ERI3: variants seen among roughly 807,000 people sequenced by gnomAD.
The protein encoded by ERI3 is ERI1 exoribonuclease 3.
A neutral mutation model predicts 44.4 loss-of-function variants in ERI3; 18 were observed. The ratio of observed to expected loss-of-function variants is 0.41; its 90% CI spans 0.28 to 0.60. The LOEUF is 0.60. Ranked by LOEUF, ERI3 falls within the 20% of genes least tolerant of loss-of-function variation. ERI3 has a pLI of 0.36. For synonymous variants in ERI3, 183 were observed against 164.8 expected (o/e 1.11, Z -0.84); for missense variants, 294 against 435.5 (o/e 0.68, Z 2.89).
chr1:44,292,951 A>G (rs1397593983), intron 6 of ERI3, among the ~76,000 whole-genome samples: 1 of 152,214 alleles, frequency 6.6e-6, no homozygotes, highest in Non-Finnish European at 1.5e-5. Flanking sequence ...TCAGCTTTAA[A>G]TATCAGTGTG....
intron 3 of ERI3, among the ~76,000 whole-genome samples, chr1:44,336,306 T>C (rs1305643912): frequency 6.6e-6 from 1 of 152,170 alleles, no homozygotes; most frequent in Non-Finnish European, 1.5e-5. Flanking sequence ...AGGATCCTGC[T>C]ACCTGCAAAC....
At chr1:44,245,099 G>A (rs891198705) in intron 8 of ERI3, among the ~76,000 whole-genome samples, 9 of 152,180 alleles carry the variant, frequency 5.9e-5, no homozygotes, top group Non-Finnish European at 1.3e-4. Context: ...GACCCCCAGG[G>A]CTGGGAAGCA....
At chr1:44,349,968 AC>A (rs1274144221) in intron 2 of ERI3, among the ~76,000 whole-genome samples, 2 of 152,164 alleles carry the variant, frequency 1.3e-5, no homozygotes, top group African/African-American at 2.4e-5. Context: ...CAAATACAAT[AC>A]TTTATTTGGT....
At position 44,252,492 on chromosome 1, in the gene ERI3, T is replaced by G. The variant is rs1484358420; in HGVS notation, c.832-4454A>C. Reference sequence around the variant, plus strand: ...TTTGCCATTAGCGCCTTTAATATTCTGACACCTCAGCGCAGCCTGCTATTA... The same window carrying G: ...TTTGCCATTAGCGCCTTTAATATTCGGACACCTCAGCGCAGCCTGCTATTA... On this transcript the variant is annotated intron_variant, in intron 7 of 8. Transcript: ENST00000372257. This position sits in a 1 kb window ranked among gnomAD's most constrained non-coding sequence, Gnocchi z 4.7. 6.6e-6 allele frequency among the ~76,000 whole-genome samples: 1 copy of G among 152,234 alleles called. No homozygotes were observed. Among genetic ancestry groups the G allele is most frequent in the Admixed American group, 6.5e-5 (1 of 15,286 alleles).
chr1:44,296,776 C>G (rs1229614014), intron 6 of ERI3, among the ~76,000 whole-genome samples: 1 of 152,194 alleles, frequency 6.6e-6, no homozygotes, highest in African/African-American at 2.4e-5. Flanking sequence ...CAGAGGAAGC[C>G]AAACCAGCTA....
At chr1:44,268,968 CA>C (rs1206202567) in intron 7 of ERI3, among the ~76,000 whole-genome samples, 1 of 152,178 alleles carries the variant, frequency 6.6e-6, no homozygotes, top group African/African-American at 2.4e-5. Flanking sequence ...GACAGCTATC[CA>C]AACTCCTCCA....
chr1:44,270,684 G>A (rs926599414), intron 7 of ERI3, among the ~76,000 whole-genome samples: 2 of 152,318 alleles, frequency 1.3e-5, no homozygotes, highest in East Asian at 3.9e-4. Flanking sequence ...CAGCCAGCAA[G>A]AGAAGGCAGG....
At chr1:44,321,263 G>A (rs1289746666) in intron 3 of ERI3, among the ~76,000 whole-genome samples, 1 of 152,176 alleles carries the variant, frequency 6.6e-6, no homozygotes, top group Admixed American at 6.5e-5. Context: ...AAAGATTGTG[G>A]TTGCCTTGTC....
intron 5 of ERI3, among the ~76,000 whole-genome samples, chr1:44,310,043 T>A (rs161728): frequency 6.6e-6 from 1 of 152,176 alleles, no homozygotes; most frequent in African/African-American, 2.4e-5. Context: ...ATCTATAAAA[T>A]CTTACACAGA....
chr1:44,310,963 G>GCACGCGCGCGCGCA (rs1645954789), intron 5 of ERI3, among the ~76,000 whole-genome samples: 1 of 123,202 alleles, frequency 8.1e-6, no homozygotes, highest in African/African-American at 3.2e-5. Flanking sequence ...GCGCGCGCGC[G>GCACGCGCGCGCGCA]CACACACACA....
At position 44,354,955 on chromosome 1, in the gene ERI3, G is replaced by A. The variant is rs1205409878; in HGVS notation, c.72C>T (p.Pro24=). The change falls in exon 1 of 9, where the codon CCC becomes CCT. Residue 24 remains proline, a synonymous_variant. Coordinates refer to ENST00000372257, the MANE Select transcript of ERI3 (RefSeq NM_024066.3). The part of the protein sequence containing the change: ...RPWEGGLVSW[P]PAPPLTLPWT... ...AGGGGAGAGTAAGGGGAGGGGCGGG[G>A]GGCCAGGAGACCAGCCCTCCTTCCC... 2 of 1,342,508 alleles carry A rather than the reference G, an allele frequency of 1.5e-6. No homozygotes were observed. The highest frequency in any genetic ancestry group is 1.5e-5 in the African/African-American group (1 of 66,584). The allele number at this position is 1,342,508 out of a possible 1,614,324, so 83.2% of individuals were successfully genotyped here. A position where few individuals can be genotyped will look rare whatever the true frequency, so the allele number is the denominator to read the frequency against.
At chr1:44,314,810 A>T (rs1286825283) in intron 4 of ERI3, among the ~76,000 whole-genome samples, 1 of 152,252 alleles carries the variant, frequency 6.6e-6, no homozygotes, top group African/African-American at 2.4e-5. Flanking sequence ...CCGGCAGTGA[A>T]GAAAAATGTA....
chr1:44,255,234 T>C (rs1644757292), intron 7 of ERI3, among the ~76,000 whole-genome samples: 2 of 152,142 alleles, frequency 1.3e-5, no homozygotes, highest in African/African-American at 4.8e-5. Flanking sequence ...TCCACTCCCT[T>C]CCTCCTTCAC....
intron 8 of ERI3, among the ~76,000 whole-genome samples, chr1:44,224,429 G>T (rs925961828): frequency 1.3e-5 from 2 of 152,202 alleles, no homozygotes; most frequent in Admixed American, 6.5e-5. Context: ...AGTGGGTTTT[G>T]GAGCCAGAAA....
chr1:44,318,799 C>T (rs967872395), intron 4 of ERI3, among the ~76,000 whole-genome samples: 11 of 152,258 alleles, frequency 7.2e-5, no homozygotes, highest in Admixed American at 3.3e-4. Flanking sequence ...TGTACCTCAG[C>T]CCCAGACTCT....
In ERI3 at chr1:44,355,205, C is replaced by G. The variant is rs1043066694; in HGVS notation, c.-179G>C. On this transcript the variant is annotated 5_prime_UTR_variant, in exon 1 of 9. Coordinates refer to ENST00000372257, the MANE Select transcript of ERI3 (RefSeq NM_024066.3). Reference sequence around the variant, plus strand: ...TCCGCCCGCTCCCCACCGCCCGTTCCCGGCCGCCTGAACAGCGGCAGCCAG... The same window carrying G: ...TCCGCCCGCTCCCCACCGCCCGTTCGCGGCCGCCTGAACAGCGGCAGCCAG... 6 of 1,194,666 alleles carry G rather than the reference C, an allele frequency of 5.0e-6. No individual in the cohort carries two copies. The African/African-American group carries it at 9.5e-5, about 19-fold the overall frequency. The allele number at this position is 1,194,666 out of a possible 1,614,324, so 74.0% of individuals were successfully genotyped here. A position where few individuals can be genotyped will look rare whatever the true frequency, so the allele number is the denominator to read the frequency against.
intron 3 of ERI3, among the ~76,000 whole-genome samples, chr1:44,329,739 C>A (rs780224958): frequency 2.2e-4 from 33 of 152,212 alleles, no homozygotes; most frequent in Admixed American, 6.5e-5. Context: ...CACATTACCA[C>A]TAAGGAACTC....
intron 8 of ERI3, among the ~76,000 whole-genome samples, chr1:44,225,283 T>C (rs1357846873): frequency 1.3e-5 from 2 of 152,034 alleles, no homozygotes; most frequent in African/African-American, 4.8e-5. Context: ...GGCTAACCTT[T>C]GGTTTTGTTT....
At chr1:44,261,225 A>G (rs1272235930) in intron 7 of ERI3, among the ~76,000 whole-genome samples, 1 of 152,182 alleles carries the variant, frequency 6.6e-6, no homozygotes, top group Non-Finnish European at 1.5e-5. Context: ...TTCAGGTAGG[A>G]GCGGGGTGGG....
Sources: allele counts gnomAD v4.1 joint callset (sites outside exome capture counted in the v4.1 genomes callset), GRCh38; gene constraint gnomAD v4.1.1; non-coding constraint Gnocchi (gnomAD v3.1); transcripts MANE v1.5; gene names NCBI Gene and HGNC (gene_info 2026-07-23, HGNC 2026-07-21).